The following DCC variants were observed in gnomAD, a reference collection of about 807,000 sequenced individuals.
DCC encodes netrin receptor DCC.
A neutral mutation model predicts 172.5 loss-of-function variants in DCC; 58 were observed. That is an observed-to-expected ratio of 0.34 (90% CI 0.27 to 0.42). The LOEUF is 0.42. Ranked by LOEUF, DCC falls within the 10% of genes least tolerant of loss-of-function variation. The pLI is 1.00. For missense variants in DCC, 1,740 were observed against 1,791.0 expected (o/e 0.97, Z 0.51); for synonymous variants, 709 against 644.5 (o/e 1.10, Z -1.52).
intron 2 of DCC, among the ~76,000 whole-genome samples, chr18:52,883,742 T>A (rs182679565): frequency 9.7e-4 from 148 of 152,164 alleles, no homozygotes; most frequent in African/African-American, 3.4e-3. Context: ...AGTTTATAGA[T>A]TACAATTACA....
At chr18:53,098,647 C>T (rs2043120905) in intron 7 of DCC, among the ~76,000 whole-genome samples, 1 of 152,136 alleles carries the variant, frequency 6.6e-6, no homozygotes, top group Non-Finnish European at 1.5e-5. Context: ...ATGGTGATAA[C>T]TTAGACATTT....
intron 2 of DCC, among the ~76,000 whole-genome samples, chr18:52,875,591 A>G (rs2039391745): frequency 1.3e-5 from 2 of 152,234 alleles, no homozygotes; most frequent in Admixed American, 1.3e-4. Context: ...AGCATAAAAT[A>G]TTCATGCTGT....
intron 19 of DCC, among the ~76,000 whole-genome samples, chr18:53,404,668 T>C (rs1909542491): frequency 6.6e-6 from 1 of 151,820 alleles, no homozygotes; most frequent in South Asian, 2.1e-4. Context: ...GAGGCGGAGC[T>C]TGCAGTGAGC....
At chr18:53,224,401 C>T (rs868433885) in intron 12 of DCC, among the ~76,000 whole-genome samples, 7 of 152,142 alleles carry the variant, frequency 4.6e-5, no homozygotes, top group African/African-American at 1.2e-4. Context: ...CCAGATCTGG[C>T]GGGGCTTTGT....
chr18:53,418,018 C>T (rs2145071007), intron 21 of DCC, among the ~76,000 whole-genome samples: 1 of 152,230 alleles, frequency 6.6e-6, no homozygotes, highest in East Asian at 1.9e-4. Context: ...AGGACCCCCT[C>T]AAGAATTACT....
chr18:52,424,590 G>A (rs552452498), intron 1 of DCC, among the ~76,000 whole-genome samples: 1 of 152,290 alleles, frequency 6.6e-6, no homozygotes, highest in East Asian at 1.9e-4. Context: ...CGATGTTAGT[G>A]GTAGAGCTAA....
At chr18:52,517,574 C>T (rs922992936) in intron 1 of DCC, among the ~76,000 whole-genome samples, 11 of 152,226 alleles carry the variant, frequency 7.2e-5, no homozygotes, top group African/African-American at 2.7e-4. Flanking sequence ...TCCAATTTAT[C>T]TCTTTCCTTT....
At chr18:53,529,194 T>A (rs1429018570) in intron 28 of DCC, among the ~76,000 whole-genome samples, 1 of 152,128 alleles carries the variant, frequency 6.6e-6, no homozygotes, top group African/African-American at 2.4e-5. Flanking sequence ...ATGCTGAGAT[T>A]TCTATAGGAA....
intron 1 of DCC, among the ~76,000 whole-genome samples, chr18:52,409,415 G>C (rs1233263640): frequency 6.6e-6 from 1 of 152,106 alleles, no homozygotes; most frequent in Admixed American, 6.6e-5. Context: ...TGAAATTGCT[G>C]ATATTCAACT....
intron 2 of DCC, among the ~76,000 whole-genome samples, chr18:52,786,708 A>G (rs1310375900): frequency 2.6e-5 from 4 of 152,082 alleles, no homozygotes; most frequent in African/African-American, 7.2e-5. Context: ...ATGTTCCAAG[A>G]TAAACTTGGA....
chr18:52,784,768 G>T (rs192187611), intron 2 of DCC, among the ~76,000 whole-genome samples: 1 of 151,906 alleles, frequency 6.6e-6, no homozygotes, highest in East Asian at 1.9e-4. Flanking sequence ...ATATGGCTAT[G>T]TTGCTTGGGA....
At chr18:53,173,576 CAAAG>C (rs1052503374) in intron 8 of DCC, among the ~76,000 whole-genome samples, 2 of 151,986 alleles carry the variant, frequency 1.3e-5, no homozygotes, top group Non-Finnish European at 2.9e-5. Context: ...TCAAAAGAGA[CAAAG>C]AAGGTCATTA....
At chr18:52,645,672 A>C (rs908673352) in intron 1 of DCC, among the ~76,000 whole-genome samples, 1 of 152,206 alleles carries the variant, frequency 6.6e-6, no homozygotes, top group Non-Finnish European at 1.5e-5. Context: ...GTGTGAATTT[A>C]AAAATAAAAA....
chr18:53,260,034 G>T (rs1024589688), intron 12 of DCC, among the ~76,000 whole-genome samples: 1 of 152,080 alleles, frequency 6.6e-6, no homozygotes, highest in Non-Finnish European at 1.5e-5. Flanking sequence ...TATTTCTCGT[G>T]CCATGGTTTT....
intron 1 of DCC, among the ~76,000 whole-genome samples, chr18:52,398,489 G>C (rs779583281): frequency 1.1e-4 from 17 of 151,726 alleles, no homozygotes; most frequent in Non-Finnish European, 1.9e-4. Flanking sequence ...TATAAACTTT[G>C]TCTCCTCAAT....
chr18:53,351,445 ATATATATATATACACAGTGTG>A (rs1568075424), intron 15 of DCC, among the ~76,000 whole-genome samples: 1,002 of 45,822 alleles, frequency 0.022, 36 homozygotes, highest in Non-Finnish European at 0.032. Flanking sequence ...TATACAGTGT[ATATATATATATACACAGTGTG>A]TATATATATA....
intron 2 of DCC, among the ~76,000 whole-genome samples, chr18:52,883,348 T>TGTG (rs2039518470): frequency 9.4e-6 from 1 of 106,228 alleles, no homozygotes; most frequent in African/African-American, 3.5e-5. Context: ...ATTTATTTAT[T>TGTG]TATGTGTGTG....
chr18:52,600,853 T>C (rs1260525806), intron 1 of DCC, among the ~76,000 whole-genome samples: 2 of 152,162 alleles, frequency 1.3e-5, no homozygotes, highest in African/African-American at 4.8e-5. Context: ...TGAATAACAT[T>C]TGTGGCTTGT....
chr18:53,441,224 G>A (rs1027836635), intron 22 of DCC, among the ~76,000 whole-genome samples: 3 of 152,130 alleles, frequency 2.0e-5, no homozygotes, highest in African/African-American at 4.8e-5. Flanking sequence ...AATAAATCAA[G>A]TGTCCCATTG....
Sources: allele counts gnomAD v4.1 joint callset (sites outside exome capture counted in the v4.1 genomes callset), GRCh38; gene constraint gnomAD v4.1.1; transcripts MANE v1.5; gene names NCBI Gene and HGNC (gene_info 2026-07-23, HGNC 2026-07-21).